Variants in CCDC201 observed in about 807,000 individuals in gnomAD.
The protein encoded by CCDC201 is coiled-coil domain containing 201.
intron 2 of CCDC201, among the ~76,000 whole-genome samples, chr7:45,864,351 A>G (rs1332339343): frequency 6.6e-6 from 1 of 152,188 alleles, no homozygotes; most frequent in East Asian, 1.9e-4. Flanking sequence ...CTCTACCCAT[A>G]GTGAGAGCTT....
the CCDC201 span, among the ~76,000 whole-genome samples, chr7:45,878,186 C>T: frequency 1.3e-5 from 2 of 152,244 alleles, no homozygotes; most frequent in African/African-American, 4.8e-5. Context: ...GGTTCAGCCC[C>T]ATCAGCTTCT....
chr7:45,881,996 C>A, the CCDC201 span, among the ~76,000 whole-genome samples: 2 of 152,188 alleles, frequency 1.3e-5, no homozygotes, highest in African/African-American at 4.8e-5. Context: ...CACGTCGGGC[C>A]TTTGCACAGA....
At chr7:45,869,641 C>T (rs1189021819) in intron 1 of CCDC201, among the ~76,000 whole-genome samples, 1 of 152,112 alleles carries the variant, frequency 6.6e-6, no homozygotes, top group Non-Finnish European at 1.5e-5. Context: ...CTCCAAATAA[C>T]CTGAAGGATA....
chr7:45,867,644 G>T (rs1292730608), intron 1 of CCDC201, among the ~76,000 whole-genome samples: 1 of 152,214 alleles, frequency 6.6e-6, no homozygotes, highest in African/African-American at 2.4e-5. Context: ...ACTCAAAAAA[G>T]CACATCAGCA....
chr7:45,867,286 C>T (rs10233070), intron 1 of CCDC201, among the ~76,000 whole-genome samples: 8,396 of 152,224 alleles, frequency 0.055, 328 homozygotes, highest in East Asian at 0.19. Flanking sequence ...CACATCTGGC[C>T]GATTTACTAC....
At chr7:45,882,937 G>A in the CCDC201 span, among the ~76,000 whole-genome samples, 1 of 152,122 alleles carries the variant, frequency 6.6e-6, no homozygotes, top group South Asian at 2.1e-4. Flanking sequence ...GACATTTTTG[G>A]CCCTAGCCTA....
At chr7:45,871,322 C>T (rs1786740853) in intron 1 of CCDC201, among the ~76,000 whole-genome samples, 1 of 151,442 alleles carries the variant, frequency 6.6e-6, no homozygotes, top group African/African-American at 2.4e-5. Context: ...TCATGGCTTA[C>T]ACTAAAATAA....
intron 1 of CCDC201, among the ~76,000 whole-genome samples, chr7:45,867,173 C>A (rs1786687436): frequency 1.3e-5 from 2 of 152,122 alleles, no homozygotes; most frequent in Non-Finnish European, 2.9e-5. Flanking sequence ...TGAAGTCTGT[C>A]CATGTTAAAG....
chr7:45,869,126 T>TA (rs1786713696), intron 1 of CCDC201, among the ~76,000 whole-genome samples: 1 of 152,146 alleles, frequency 6.6e-6, no homozygotes, highest in Admixed American at 6.5e-5. Context: ...TGTGGCATAA[T>TA]GAGATAGTAT....
chr7:45,868,924 T>G (rs1268931403), intron 1 of CCDC201, among the ~76,000 whole-genome samples: 1 of 152,242 alleles, frequency 6.6e-6, no homozygotes, highest in Non-Finnish European at 1.5e-5. Flanking sequence ...CCTTTAGCAC[T>G]GTGTTACCTC....
At chr7:45,882,854 T>C in the CCDC201 span, among the ~76,000 whole-genome samples, 1 of 152,222 alleles carries the variant, frequency 6.6e-6, no homozygotes, top group Non-Finnish European at 1.5e-5. Flanking sequence ...CACTGAAAGC[T>C]TTCCACACTT....
Position 45,866,130 on chromosome 7 carries a change from AG to A in CCDC201, c.382del (p.Leu128SerfsTer16). On this transcript the variant is annotated frameshift_variant, in exon 2 of 3. Coordinates refer to ENST00000636578, the Ensembl canonical transcript of CCDC201. LOFTEE classifies it high-confidence loss of function. Reference sequence around the variant, plus strand: ...GTTTTGTGCCCAGCTCTTTGCCCGGAGGGACTCTTGCTGCTGCTGCTGCTGC... The same window carrying A: ...GTTTTGTGCCCAGCTCTTTGCCCGGAGGACTCTTGCTGCTGCTGCTGCTGC... 5.0e-6 allele frequency: 1 copy of A among 198,116 alleles called. No homozygotes were observed. Among genetic ancestry groups the A allele is most frequent in the Non-Finnish European group, 1.0e-5 (1 of 96,512 alleles). 12.3% of individuals were successfully genotyped at this position (198,116 alleles called of 1,614,324 possible).
the CCDC201 span, among the ~76,000 whole-genome samples, chr7:45,878,170 C>G: frequency 6.6e-6 from 1 of 152,262 alleles, no homozygotes; most frequent in African/African-American, 2.4e-5. Context: ...CCCTGTGGGA[C>G]TGCAGGGTTC....
upstream of CCDC201, among the ~76,000 whole-genome samples, chr7:45,874,266 G>A (rs1786775733): frequency 1.3e-5 from 2 of 152,160 alleles, no homozygotes; most frequent in Admixed American, 1.3e-4. Context: ...GCAAATTGCT[G>A]GAGTTTACCT....
exon 3 of CCDC201, chr7:45,860,753 G>A (rs1019158898): frequency 6.6e-6 from 1 of 152,224 alleles, no homozygotes; most frequent in African/African-American, 2.4e-5. Flanking sequence ...CAGTTCCATA[G>A]GCATGTCTAG....
At chr7:45,882,197 G>T in the CCDC201 span, among the ~76,000 whole-genome samples, 1 of 152,156 alleles carries the variant, frequency 6.6e-6, no homozygotes. Context: ...TCAGCTGCTG[G>T]TGAGTAAGCA....
the CCDC201 span, among the ~76,000 whole-genome samples, chr7:45,882,526 C>A: frequency 6.6e-6 from 1 of 152,226 alleles, no homozygotes; most frequent in African/African-American, 2.4e-5. Context: ...CCTTCAAGGG[C>A]TAACACAATT....
chr7:45,865,637 A>G (rs1359800113), intron 2 of CCDC201, among the ~76,000 whole-genome samples: 1 of 150,104 alleles, frequency 6.7e-6, no homozygotes, highest in Non-Finnish European at 1.5e-5. Flanking sequence ...CAAAGCCCCA[A>G]AGCTGAAAGA....
At chr7:45,867,865 C>A (rs1475360024) in intron 1 of CCDC201, among the ~76,000 whole-genome samples, 1 of 152,188 alleles carries the variant, frequency 6.6e-6, no homozygotes, top group African/African-American at 2.4e-5. Context: ...AGCTAGAAAC[C>A]ATTTTAATGA....
Sources: allele counts gnomAD v4.1 joint callset (sites outside exome capture counted in the v4.1 genomes callset), GRCh38; gene constraint gnomAD v4.1.1; transcripts MANE v1.5; gene names NCBI Gene and HGNC (gene_info 2026-07-23, HGNC 2026-07-21).